CAMK2D: variants seen among roughly 807,000 people sequenced by gnomAD.
The protein encoded by CAMK2D is calcium/calmodulin dependent protein kinase II delta, also known as calcium/calmodulin-dependent protein kinase type II subunit delta.
Under a neutral mutation model 84.0 loss-of-function variants are expected in CAMK2D, and 37 were observed. That is an observed-to-expected ratio of 0.44 (90% confidence interval 0.34 to 0.58). The LOEUF (loss-of-function observed/expected upper bound fraction) is 0.58. CAMK2D is among the 20% of genes least tolerant of loss of function. CAMK2D has a pLI of 0.02. For synonymous variants in CAMK2D, 202 were observed against 212.5 expected, an observed-to-expected ratio of 0.95 and a Z score of 0.43; for missense variants, 448 against 652.5, an observed-to-expected ratio of 0.69 and a Z score of 3.41.
chr4:113,688,409 T>C (rs2099366344), intron 2 of CAMK2D, among the ~76,000 whole-genome samples: 2 of 152,196 alleles, frequency 1.3e-5, no homozygotes, highest in African/African-American at 4.8e-5. Context: ...TTAAATGACA[T>C]GCTCTCTGTT....
intron 2 of CAMK2D, among the ~76,000 whole-genome samples, chr4:113,742,946 G>A (rs1304811554): frequency 6.6e-6 from 1 of 152,142 alleles, no homozygotes; most frequent in Non-Finnish European, 1.5e-5. Context: ...AAAGCTGCCT[G>A]TAGAGTCCTT....
intron 2 of CAMK2D, among the ~76,000 whole-genome samples, chr4:113,733,086 G>A (rs762056245): frequency 2.0e-5 from 3 of 152,174 alleles, no homozygotes; most frequent in Non-Finnish European, 4.4e-5. Context: ...AGGTGAGGTA[G>A]ACTAGTGGAG....
chr4:113,472,516 G>T (rs1210909617), intron 16 of CAMK2D, among the ~76,000 whole-genome samples: 2 of 152,188 alleles, frequency 1.3e-5, no homozygotes, highest in African/African-American at 4.8e-5. Context: ...CTTTTCAAGA[G>T]GGTTGAGTGC....
intron 3 of CAMK2D, among the ~76,000 whole-genome samples, chr4:113,611,157 G>A (rs994918204): frequency 3.3e-5 from 5 of 151,882 alleles, no homozygotes; most frequent in Non-Finnish European, 5.9e-5. Flanking sequence ...TATTCTTCAC[G>A]TTGCCAATAT....
chr4:113,559,426 T>G (rs1430940925), intron 4 of CAMK2D, among the ~76,000 whole-genome samples: 1 of 152,240 alleles, frequency 6.6e-6, no homozygotes, highest in Non-Finnish European at 1.5e-5. Flanking sequence ...TTGCTCATAT[T>G]TTGTTATTTA....
intron 4 of CAMK2D, among the ~76,000 whole-genome samples, chr4:113,594,862 G>C (rs116286431): frequency 0.058 from 8,870 of 152,182 alleles, 331 homozygotes; most frequent in South Asian, 0.099. Context: ...GGAGAAGAAA[G>C]AGAGAAAGAA....
chr4:113,596,930 C>T (rs1260212400), intron 4 of CAMK2D, among the ~76,000 whole-genome samples: 2 of 151,928 alleles, frequency 1.3e-5, no homozygotes, highest in Admixed American at 1.3e-4. Context: ...CGCCATTCTC[C>T]TGCCTCAGCC....
chr4:113,536,124 C>G (rs2098488515), intron 7 of CAMK2D, among the ~76,000 whole-genome samples: 1 of 152,104 alleles, frequency 6.6e-6, no homozygotes, highest in Admixed American at 6.6e-5. Context: ...TTAATGGGTA[C>G]AAGCTTATTA....
chr4:113,496,446 C>CTTTTTT (rs543371495), intron 16 of CAMK2D, among the ~76,000 whole-genome samples: 4 of 120,696 alleles, frequency 3.3e-5, no homozygotes, highest in Non-Finnish European at 6.9e-5. Flanking sequence ...CTCCCATTTG[C>CTTTTTT]TTTTTTTTTT....
Position 113,522,332 on chromosome 4 carries a change from T to A in CAMK2D, c.602-4675A>T, listed in dbSNP as rs2098371268. On this transcript the variant is annotated intron_variant, in intron 8 of 20. Transcript: ENST00000511664. ...ATTATAAACTTATAAGCAAAATGCA[T>A]GTGGAACTTGGAAGTACACAATTAA... Among the ~76,000 whole-genome samples, 4 of 152,218 alleles carry A rather than the reference T, an allele frequency of 2.6e-5. No individual in the cohort carries two copies. In the South Asian group the frequency reaches 8.3e-4, roughly 32 times the overall value.
intron 4 of CAMK2D, among the ~76,000 whole-genome samples, chr4:113,560,925 G>A (rs867760756): frequency 1.3e-5 from 2 of 152,176 alleles, no homozygotes; most frequent in African/African-American, 4.8e-5. Context: ...GGAAAAGAGA[G>A]GAGAGAATAA....
intron 3 of CAMK2D, among the ~76,000 whole-genome samples, chr4:113,612,110 T>C (rs1361397344): frequency 1.3e-5 from 2 of 152,318 alleles, no homozygotes; most frequent in South Asian, 2.1e-4. Context: ...AAGTAGATAC[T>C]ATAGTCTTCA....
chr4:113,460,165 G>A lies in CAMK2D; in HGVS notation c.1288C>T (p.Arg430Ter), dbSNP rs748916709. Residue 430 changes from arginine (R) to a stop codon, truncating the protein, a stop_gained, in exon 18 of 21, where the codon CGA becomes TGA. Coordinates refer to ENST00000511664, the MANE Select transcript of CAMK2D (RefSeq NM_001321571.2). LOFTEE classifies it high-confidence loss of function. ...GNLVEGMDFH[R>*]FYFENALSKS... ...AATGTACCATTTTCAAAGTAGAATC[G>A]GTGAAAATCCATCCCTTCCACTAAA... 1.3e-6 allele frequency: 2 copies of A among 1,582,644 alleles called. No individual in the cohort carries two copies. Among genetic ancestry groups the A allele is most frequent in the Non-Finnish European group, 1.7e-6 (2 of 1,151,878 alleles).
chr4:113,749,939 C>T (rs1395782003), intron 2 of CAMK2D, among the ~76,000 whole-genome samples: 2 of 152,196 alleles, frequency 1.3e-5, no homozygotes, highest in African/African-American at 4.8e-5. Flanking sequence ...ATAAGTTTCT[C>T]TTTGAAGCAT....
At chr4:113,607,561 T>C (rs2154265563) in intron 4 of CAMK2D, among the ~76,000 whole-genome samples, 1 of 152,124 alleles carries the variant, frequency 6.6e-6, no homozygotes, top group Non-Finnish European at 1.5e-5. Flanking sequence ...CCTGTGACAT[T>C]CCTTCTCCTG....
At chr4:113,648,607 A>G (rs2099160902) in intron 3 of CAMK2D, among the ~76,000 whole-genome samples, 1 of 151,958 alleles carries the variant, frequency 6.6e-6, no homozygotes, top group South Asian at 2.1e-4. Flanking sequence ...AATGGGGGGA[A>G]AAAGCACCCT....
chr4:113,490,108 T>C (rs1329532360), intron 16 of CAMK2D, among the ~76,000 whole-genome samples: 1 of 149,548 alleles, frequency 6.7e-6, no homozygotes, highest in South Asian at 2.1e-4. Context: ...TTCACTCTGA[T>C]GGTAGTTTCT....
chr4:113,690,114 G>C (rs2099382415), intron 2 of CAMK2D, among the ~76,000 whole-genome samples: 1 of 152,118 alleles, frequency 6.6e-6, no homozygotes, highest in Non-Finnish European at 1.5e-5. Flanking sequence ...ACAAAAAGTA[G>C]CTCAAACAAA....
chr4:113,575,506 C>T (rs1207114425), intron 4 of CAMK2D, among the ~76,000 whole-genome samples: 1 of 152,104 alleles, frequency 6.6e-6, no homozygotes, highest in Non-Finnish European at 1.5e-5. Context: ...TATGATTATA[C>T]AATTCTGTGT....
Sources: allele counts gnomAD v4.1 joint callset (sites outside exome capture counted in the v4.1 genomes callset), GRCh38; gene constraint gnomAD v4.1.1; transcripts MANE v1.5; gene names NCBI Gene and HGNC (gene_info 2026-07-23, HGNC 2026-07-21).